Variants in SNX25 observed in about 807,000 individuals in gnomAD.
SNX25 encodes sorting nexin-25.
SNX25 carries 62 observed loss-of-function variants against 113.7 expected under a neutral mutation model. The ratio of observed to expected loss-of-function variants is 0.55; its 90% CI spans 0.44 to 0.67. The LOEUF (loss-of-function observed/expected upper bound fraction) is 0.67. SNX25 is among the 30% of genes least tolerant of loss of function. The pLI, the probability that SNX25 is intolerant of heterozygous loss-of-function variation, is 0.00. For synonymous variants in SNX25, 421 were observed against 436.2 expected (o/e 0.97, Z 0.43); for missense variants, 1,014 against 1,161.0 (o/e 0.87, Z 1.84).
intron 7 of SNX25, among the ~76,000 whole-genome samples, chr4:185,319,648 A>T (rs1041059623): frequency 6.6e-6 from 1 of 152,124 alleles, no homozygotes; most frequent in African/African-American, 2.4e-5. Context: ...ATCTTGGCAA[A>T]ATAAACTTCT....
At chr4:185,308,227 A>G (rs78150023) in intron 6 of SNX25, among the ~76,000 whole-genome samples, 2,912 of 152,356 alleles carry the variant, frequency 0.019, 32 homozygotes, top group South Asian at 0.032. Flanking sequence ...ATGTTTAGTC[A>G]TTTTTAAAAA....
chr4:185,373,494 C>T (rs567958833), downstream of SNX25, among the ~76,000 whole-genome samples: 26 of 152,252 alleles, frequency 1.7e-4, no homozygotes, highest in African/African-American at 4.8e-4. Flanking sequence ...GCAGCTGCTG[C>T]GATCAAAGAC....
At position 185,220,634 on chromosome 4, in the gene SNX25, C is replaced by T. The variant is rs139679502; in HGVS notation, c.429+10379C>T. 2.6e-5 allele frequency among the ~76,000 whole-genome samples: 4 copies of T among 151,910 alleles called. No individual in the cohort carries two copies. In the East Asian group the frequency reaches 7.8e-4, roughly 30 times the overall value. On this transcript the variant is annotated intron_variant, in intron 1 of 18. Transcript: ENST00000652585. Reference sequence around the variant, plus strand: ...GTAGCTGGGATAAGGGTGCCCACCACCACGCCTGGCTAAATTTTTGTATTT... The same window carrying T: ...GTAGCTGGGATAAGGGTGCCCACCATCACGCCTGGCTAAATTTTTGTATTT...
At chr4:185,365,919 C>G (rs1361941154), downstream of SNX25, 1 of 152,098 alleles carries the variant, frequency 6.6e-6, no homozygotes, top group Non-Finnish European at 1.5e-5. Context: ...TACAGACAAG[C>G]CAGAACATAA....
intron 7 of SNX25, among the ~76,000 whole-genome samples, chr4:185,320,449 G>A (rs964590073): frequency 6.6e-6 from 1 of 152,032 alleles, no homozygotes; most frequent in African/African-American, 2.4e-5. Flanking sequence ...ACACAGGGAG[G>A]GGAACAACAC....
At chr4:185,350,804 G>T (rs1450300992) in intron 13 of SNX25, among the ~76,000 whole-genome samples, 2 of 152,218 alleles carry the variant, frequency 1.3e-5, no homozygotes, top group Non-Finnish European at 2.9e-5. Flanking sequence ...AGAAGTTGCG[G>T]TGAGCCAAGA....
At chr4:185,239,400 T>A (rs189007429) in intron 1 of SNX25, among the ~76,000 whole-genome samples, 10 of 152,200 alleles carry the variant, frequency 6.6e-5, no homozygotes, top group East Asian at 5.8e-4. Flanking sequence ...GGAGAATGGC[T>A]TGAACCCAGG....
intron 1 of SNX25, among the ~76,000 whole-genome samples, chr4:185,239,309 C>T (rs548601124): frequency 2.0e-5 from 3 of 151,990 alleles, no homozygotes; most frequent in East Asian, 3.9e-4. Flanking sequence ...CGGTGAAACT[C>T]CGTCTCTACT....
chr4:185,333,295 T>C (rs2095208168), intron 10 of SNX25, among the ~76,000 whole-genome samples: 1 of 152,222 alleles, frequency 6.6e-6, no homozygotes, highest in African/African-American at 2.4e-5. Context: ...CAAGGAGGTT[T>C]CTCTCATATA....
chr4:185,272,963 A>ATT (rs1318236111), intron 5 of SNX25, among the ~76,000 whole-genome samples: 4 of 152,112 alleles, frequency 2.6e-5, no homozygotes, highest in African/African-American at 9.7e-5. Flanking sequence ...TTACTGTAGA[A>ATT]TTTTTAGCAG....
intron 2 of SNX25, among the ~76,000 whole-genome samples, chr4:185,256,875 C>T (rs1009210311): frequency 3.9e-5 from 6 of 151,950 alleles, no homozygotes; most frequent in Admixed American, 6.6e-5. Context: ...CCTCCCACCT[C>T]GGCCTCCCAA....
At chr4:185,365,689 A>G (rs1180558206), downstream of SNX25, 1 of 146,400 alleles carries the variant, frequency 6.8e-6, no homozygotes, top group Non-Finnish European at 1.5e-5. Flanking sequence ...CAAAAAAAAA[A>G]AAATAATAAT....
chr4:185,371,321 C>T (rs538873042), downstream of SNX25, among the ~76,000 whole-genome samples: 10 of 152,030 alleles, frequency 6.6e-5, no homozygotes, highest in South Asian at 6.2e-4. Context: ...AGGCGGATCA[C>T]GAGGTTAGGA....
intron 1 of SNX25, among the ~76,000 whole-genome samples, chr4:185,224,430 AATATATAGATATATAAATAT>A (rs1304925783): frequency 0.08 from 7,771 of 97,408 alleles, 507 homozygotes; most frequent in African/African-American, 0.18. Flanking sequence ...AATATATAAA[AATATATAGATATATAAATAT>A]ATATATAGAT....
intron 7 of SNX25, among the ~76,000 whole-genome samples, chr4:185,320,359 A>G: frequency 6.6e-6 from 1 of 152,184 alleles, no homozygotes; most frequent in East Asian, 1.9e-4. Context: ...CATCATCCTC[A>G]GCAAACTAAC....
chr4:185,268,466 G>C (rs1410611252), intron 5 of SNX25, among the ~76,000 whole-genome samples: 1 of 152,018 alleles, frequency 6.6e-6, no homozygotes, highest in Admixed American at 6.5e-5. Context: ...GTATTATCTA[G>C]TTTGTAAATT....
chr4:185,256,876 G>A (rs369514821), intron 2 of SNX25, among the ~76,000 whole-genome samples: 3 of 151,698 alleles, frequency 2.0e-5, no homozygotes, highest in South Asian at 4.2e-4. Flanking sequence ...CTCCCACCTC[G>A]GCCTCCCAAA....
downstream of SNX25, chr4:185,370,912 T>G (rs544208340): frequency 8.5e-4 from 1,089 of 1,280,200 alleles, 8 homozygotes; most frequent in Non-Finnish European, 9.1e-5. Flanking sequence ...CTGAAGTGAT[T>G]TCTCTCTACT....
chr4:185,267,189 T>C lies in SNX25; in HGVS notation c.1091+34T>C, dbSNP rs745917823. 8 of 1,584,122 alleles carry C rather than the reference T, an allele frequency of 5.1e-6. No homozygotes were observed. In the African/African-American group the frequency reaches 5.5e-5, roughly 11 times the overall value. ...TCTTCAATTATAGCACAGCAACAGCTACTGATTATCATCCCCTGCCTAGTT... is the reference window on the plus strand; with the variant it reads ...TCTTCAATTATAGCACAGCAACAGCCACTGATTATCATCCCCTGCCTAGTT... On this transcript the variant is annotated intron_variant, in intron 5 of 18. Transcript: ENST00000652585.
Sources: allele counts gnomAD v4.1 joint callset (sites outside exome capture counted in the v4.1 genomes callset), GRCh38; gene constraint gnomAD v4.1.1; transcripts MANE v1.5; gene names NCBI Gene and HGNC (gene_info 2026-07-23, HGNC 2026-07-21).